VPS18: variants seen among roughly 807,000 people sequenced by gnomAD.
The protein encoded by VPS18 is vacuolar protein sorting-associated protein 18 homolog.
A neutral mutation model predicts 82.0 loss-of-function variants in VPS18; 25 were observed. The ratio of observed to expected loss-of-function variants is 0.30; its 90% CI spans 0.22 to 0.43. The LOEUF (loss-of-function observed/expected upper bound fraction) is 0.43, where lower values mean the gene tolerates loss of function less well. Ranked by LOEUF, VPS18 falls within the 20% of genes least tolerant of loss-of-function variation. The pLI, the probability that VPS18 is intolerant of heterozygous loss-of-function variation, is 1.00. For synonymous variants in VPS18, 523 were observed against 543.0 expected (o/e 0.96, Z 0.51); for missense variants, 1,168 against 1,311.1 (o/e 0.89, Z 1.69).
intron 1 of VPS18, 39 bp downstream of exon 1, chr15:40,894,898 C>G (rs1028762297): frequency 6.5e-6 from 10 of 1,530,126 alleles, no homozygotes; most frequent in African/African-American, 2.8e-5. Context: ...TTTCGGCTCT[C>G]CTAGCATTTG....
At chr15:40,895,628 C>G (rs1892215971) in intron 1 of VPS18, among the ~76,000 whole-genome samples, 1 of 152,118 alleles carries the variant, frequency 6.6e-6, no homozygotes, top group Admixed American at 6.5e-5. Context: ...GGAGAATACC[C>G]AGACCACCAG....
At chr15:40,897,514 A>G (rs1892250204) in intron 2 of VPS18, among the ~76,000 whole-genome samples, 1 of 152,232 alleles carries the variant, frequency 6.6e-6, no homozygotes, top group East Asian at 1.9e-4. Context: ...AAAAGATGTT[A>G]ACATGAATTT....
At chr15:40,897,663 G>C (rs1458688959) in intron 2 of VPS18, among the ~76,000 whole-genome samples, 2 of 152,142 alleles carry the variant, frequency 1.3e-5, no homozygotes, top group East Asian at 3.8e-4. Context: ...TACTTCTCAA[G>C]GTTTTTGTCA....
rs750780260 is a variant in VPS18, at chr15:40,896,054, A to G, written c.208A>G (p.Ser70Gly). The change falls in exon 2 of 5, where the codon AGC becomes GGC. Residue 70 changes from serine (S) to glycine (G), a missense_variant. Ser to Gly is a moderately conservative substitution (Grantham distance 56). Around this residue, in one of 3 missense-constraint regions of VPS18, gnomAD observed 868 missense variants for 939.8 expected, o/e 0.92. Transcript: ENST00000220509. The part of the protein sequence containing the change: ...LVVSSNQLCM[S>G]LGKDTLLRID... ...CGTCTCCAGCAATCAGCTGTGCATG[A>G]GCCTGGGCAAGGATACACTGCTCCG... 32 of 1,614,074 alleles carry G rather than the reference A, an allele frequency of 2.0e-5. No homozygotes were observed. Among genetic ancestry groups the G allele is most frequent in the Non-Finnish European group, 2.6e-5 (31 of 1,180,040 alleles).
Position 40,899,643 on chromosome 15 carries a change from C to A in VPS18, c.825C>A (p.Pro275=). 1 of 1,612,908 alleles carries A rather than the reference C, an allele frequency of 6.2e-7. No individual in the cohort carries two copies. The change falls in exon 4 of 5, where the codon CCC becomes CCA. Residue 275 remains proline (P), a synonymous_variant. Coordinates refer to ENST00000220509, the MANE Select transcript of VPS18 (RefSeq NM_020857.3). The surrounding 1 kb of genome is among the most constrained non-coding windows in gnomAD (Gnocchi z 4.4). ...LGYSELAFYT[P]KLRSAPRAFA... ...ACAGTGAGTTGGCCTTCTACACCCCCAAGCTGCGCTCCGCACCCCGGGCCT... is the reference window on the plus strand; with the variant it reads ...ACAGTGAGTTGGCCTTCTACACCCCAAAGCTGCGCTCCGCACCCCGGGCCT...
At chr15:40,898,696 C>T in intron 2 of VPS18, 2 of 609,316 alleles carry the variant, frequency 3.3e-6, no homozygotes, top group Non-Finnish European at 5.9e-6. Context: ...TGGTCTCAAA[C>T]TCCTGAGCTC....
chr15:40,900,138 GGAGA>G lies in VPS18; in HGVS notation c.1322_1325del (p.Glu441AlafsTer7). 6.2e-7 allele frequency: 1 copy of G among 1,613,790 alleles called. No individual in the cohort carries two copies. Among genetic ancestry groups the G allele is most frequent in the Non-Finnish European group, 8.5e-7 (1 of 1,180,032 alleles). ...TCTGCTTTCGCCAGCGTCGCTACCT[GGAGA>G]GCGCACGCTGCTATGCCCTGACCCA... On this transcript the variant is annotated frameshift_variant, in exon 4 of 5. Transcript: ENST00000220509. LOFTEE classifies it high-confidence loss of function. The surrounding 1 kb of genome is among the most constrained non-coding windows in gnomAD (Gnocchi z 5.4).
chr15:40,898,842 A>G (rs1466218091), intron 2 of VPS18, 65 bp from the exon 3 acceptor site: 1 of 1,481,136 alleles, frequency 6.8e-7, no homozygotes, highest in Admixed American at 1.9e-5. Context: ...AGATTATTAA[A>G]GAAGATCATG....
At position 40,899,885 on chromosome 15, in the gene VPS18, G is replaced by A. The variant is rs138996041; in HGVS notation, c.1067G>A (p.Arg356Gln). ...ACACTGACCGGGCAGGTGGTGCTGC[G>A]GGATCACTTCCTGGAGAAATTTGGG... Reference protein sequence around the residue: ...VCTLTGQVVLRDHFLEKFGPL... With the variant: ...VCTLTGQVVLQDHFLEKFGPL... The change falls in exon 4 of 5, where the codon CGG becomes CAG. Residue 356 changes from arginine (R) to glutamine (Q), a missense_variant. By Grantham distance (43) the Arg-to-Gln change is conservative. Coordinates refer to ENST00000220509, the MANE Select transcript of VPS18 (RefSeq NM_020857.3). The surrounding 1 kb of genome is among the most constrained non-coding windows in gnomAD (Gnocchi z 4.4). 58 of 1,609,840 alleles carry A rather than the reference G, an allele frequency of 3.6e-5. No individual in the cohort carries two copies. The African/African-American group carries it at 4.3e-4, about 12-fold the overall frequency.
In VPS18 at chr15:40,900,587, GTGA is replaced by G; in HGVS notation, c.1770_1772del (p.Asp591del). ...GCCCTGGCCGTGCTCGCCCGCCACCGTGACCCCCAGCTCTTCTACAAGTTCTCA... is the reference window on the plus strand; with the variant it reads ...GCCCTGGCCGTGCTCGCCCGCCACCGCCCCCAGCTCTTCTACAAGTTCTCA... On this transcript the variant is annotated inframe_deletion, in exon 4 of 5. Transcript: ENST00000220509. This position sits in a 1 kb window ranked among gnomAD's most constrained non-coding sequence, Gnocchi z 5.4. The G allele has an allele frequency of 1.9e-6, 3 of 1,613,856 alleles. No individual in the cohort carries two copies. The highest frequency in any genetic ancestry group is 2.5e-6 in the Non-Finnish European group (3 of 1,180,002).
chr15:40,899,045 G>T lies in VPS18; in HGVS notation c.325+47G>T. Reference sequence around the variant, plus strand: ...AGGAGGGGGTCTCTGGTCAGTCACTGCCTGGGTGGGTGGGCTCTGAGGGTG... The same window carrying T: ...AGGAGGGGGTCTCTGGTCAGTCACTTCCTGGGTGGGTGGGCTCTGAGGGTG... On this transcript the variant is annotated intron_variant, in intron 3 of 4. Coordinates refer to ENST00000220509, the MANE Select transcript of VPS18 (RefSeq NM_020857.3). This position sits in a 1 kb window ranked among gnomAD's most constrained non-coding sequence, Gnocchi z 4.4. 1 of 1,606,604 alleles carries T rather than the reference G, an allele frequency of 6.2e-7. No homozygotes were observed. The highest frequency in any genetic ancestry group is 8.5e-7 in the Non-Finnish European group (1 of 1,177,464).
At chr15:40,895,006 GC>G in intron 1 of VPS18, 147 bp downstream of exon 1, 1 of 793,968 alleles carries the variant, frequency 1.3e-6, no homozygotes, top group East Asian at 3.1e-5. Flanking sequence ...GGCTCTCTTG[GC>G]CCCCAGCTGG....
At chr15:40,901,081 G>A in intron 4 of VPS18, 67 bp downstream of exon 4, 1 of 1,506,804 alleles carries the variant, frequency 6.6e-7, no homozygotes, top group Non-Finnish European at 8.9e-7. Flanking sequence ...AGATGTGGAA[G>A]GGCTTGGGGG....
At chr15:40,898,250 G>A (rs774222543) in intron 2 of VPS18, among the ~76,000 whole-genome samples, 24 of 148,528 alleles carry the variant, frequency 1.6e-4, no homozygotes, top group South Asian at 2.1e-4. Flanking sequence ...CACCGCGCCC[G>A]GCCTTTTTTT....
At chr15:40,895,000 C>G (rs541692638) in intron 1 of VPS18, 141 bp downstream of exon 1, 1 of 818,918 alleles carries the variant, frequency 1.2e-6, no homozygotes, top group Non-Finnish European at 1.8e-6. Context: ...TCCTCAGGCT[C>G]TCTTGGCCCC....
At chr15:40,895,864 G>C in intron 1 of VPS18, 74 bp from the exon 2 acceptor site, 1 of 1,591,850 alleles carries the variant, frequency 6.3e-7, no homozygotes, top group Non-Finnish European at 8.6e-7. Context: ...GAGCACTGTG[G>C]TGTTTTTTCT....
chr15:40,898,859 A>G (rs1421531306), intron 2 of VPS18, 48 bp from the exon 3 acceptor site: 2 of 1,559,424 alleles, frequency 1.3e-6, no homozygotes, highest in Non-Finnish European at 1.8e-6. Flanking sequence ...CATGATCCAA[A>G]AAAGGATCTT....
intron 4 of VPS18, among the ~76,000 whole-genome samples, chr15:40,901,776 C>T (rs1596179088): frequency 6.6e-6 from 1 of 151,752 alleles, no homozygotes; most frequent in Non-Finnish European, 1.5e-5. Context: ...CGTGGTGGCA[C>T]GCACCTGTAA....
At chr15:40,895,808 GT>G in intron 1 of VPS18, 129 bp from the exon 2 acceptor site, 2 of 1,295,574 alleles carry the variant, frequency 1.5e-6, no homozygotes, top group South Asian at 2.8e-5. Flanking sequence ...CAAACTATTT[GT>G]TAACCAAGGT....
Sources: gnomAD v4.1 joint callset for allele counts (sites outside exome capture counted in the v4.1 genomes callset) on GRCh38, gnomAD v4.1.1 for gene constraint, gnomAD v4.1.1 regional missense constraint, Gnocchi (gnomAD v3.1) non-coding constraint, MANE v1.5 for transcripts, NCBI Gene and HGNC (gene_info 2026-07-23, HGNC 2026-07-21) for gene names.